Variants in RBBP6 observed in about 807,000 individuals in gnomAD.
RBBP6 encodes the protein RB binding protein 6, ubiquitin ligase, also known as E3 ubiquitin-protein ligase RBBP6.
RBBP6 carries 25 observed loss-of-function variants against 167.7 expected under a neutral mutation model. The observed-to-expected ratio is 0.15, with a 90% confidence interval of 0.11 to 0.21. RBBP6 has a LOEUF of 0.21. Among genes scored for constraint, RBBP6 ranks in the 10% least tolerant of loss-of-function variants. The pLI is 1.00. For synonymous variants in RBBP6, 789 were observed against 735.8 expected (o/e 1.07, Z -1.17); for missense variants, 1,868 against 2,134.2 (o/e 0.88, Z 2.46).
Position 24,540,336 on chromosome 16 carries a change from G to T in RBBP6, c.-291G>T. On this transcript the variant is annotated 5_prime_UTR_variant, in exon 1 of 18. In the 5' UTR this introduces an upstream ATG that the reference lacks. Transcript: ENST00000319715. ...TCTGCCGGCCCCTTAGCATGAGCGA[G>T]GGGGACCCAGCCGGGTGACATTGTG... 3.4e-6 allele frequency: 1 copy of T among 295,766 alleles called. No homozygotes were observed. Among genetic ancestry groups the T allele is most frequent in the Non-Finnish European group, 6.4e-6 (1 of 156,074 alleles). 18.3% of individuals were successfully genotyped at this position (295,766 alleles called of 1,614,324 possible). A position where few individuals can be genotyped will look rare whatever the true frequency, so the allele number is the denominator to read the frequency against.
At chr16:24,553,662 A>G in intron 4 of RBBP6, 105 bp downstream of exon 4, 1 of 833,308 alleles carries the variant, frequency 1.2e-6, no homozygotes, top group South Asian at 1.9e-5. Context: ...CATATTTTGC[A>G]AAAGCATTGT....
intron 1 of RBBP6, among the ~76,000 whole-genome samples, chr16:24,543,747 C>T (rs28482789): frequency 1.3e-5 from 2 of 151,800 alleles, no homozygotes; most frequent in African/African-American, 2.4e-5. Flanking sequence ...TTCTGCACAC[C>T]GACCCCTAAA....
At chr16:24,557,909 A>G (rs1413071941) in intron 7 of RBBP6, among the ~76,000 whole-genome samples, 1 of 152,204 alleles carries the variant, frequency 6.6e-6, no homozygotes, top group Non-Finnish European at 1.5e-5. Flanking sequence ...GTTCACAGAT[A>G]AGAATGTTTT....
intron 1 of RBBP6, among the ~76,000 whole-genome samples, chr16:24,543,292 CT>C (rs200408370): frequency 0.14 from 17,655 of 125,968 alleles, 795 homozygotes; most frequent in East Asian, 0.23. Flanking sequence ...TCCCTTAAAT[CT>C]TTTTTTTTTT....
chr16:24,562,252 G>T (rs1468522717), intron 10 of RBBP6, 91 bp downstream of exon 10: 5 of 1,153,908 alleles, frequency 4.3e-6, no homozygotes, highest in Non-Finnish European at 6.2e-6. Context: ...AGCTTTCTTA[G>T]TGGACCACTG....
At position 24,570,058 on chromosome 16, in the gene RBBP6, T is replaced by C. The variant is rs769185441; in HGVS notation, c.3368T>C (p.Leu1123Pro). The change falls in exon 17 of 18, where the codon CTA becomes CCA. Residue 1123 changes from leucine (L) to proline (P), a missense_variant. Physicochemically the swap from Leu to Pro is moderately conservative, Grantham distance 98. Around this residue, in one of 7 missense-constraint regions of RBBP6, gnomAD observed 673 missense variants for 691.5 expected, o/e 0.97. Coordinates refer to ENST00000319715, the MANE Select transcript of RBBP6 (RefSeq NM_006910.5). ...TCCAAAGATGTCAAATCAGAAAAGC[T>C]AACAACTAAGGAAGAAAAGGCCAAG... Reference protein sequence around the residue: ...DYSKDVKSEKLTTKEEKAKKP... With the variant: ...DYSKDVKSEKPTTKEEKAKKP... 6 of 1,606,430 alleles carry C rather than the reference T, an allele frequency of 3.7e-6. No homozygotes were observed. Among genetic ancestry groups the C allele is most frequent in the Non-Finnish European group, 5.1e-6 (6 of 1,178,106 alleles).
intron 1 of RBBP6, among the ~76,000 whole-genome samples, chr16:24,545,764 G>A (rs1222049960): frequency 6.6e-6 from 1 of 152,196 alleles, no homozygotes; most frequent in Non-Finnish European, 1.5e-5. Context: ...ATCTTCCTCA[G>A]TAATAATTTC....
At chr16:24,550,051 A>G (rs929319198) in intron 3 of RBBP6, among the ~76,000 whole-genome samples, 1 of 152,008 alleles carries the variant, frequency 6.6e-6, no homozygotes, top group Non-Finnish European at 1.5e-5. Context: ...TTCTCTAAAC[A>G]TTTTAATGCC....
intron 3 of RBBP6, 52 bp from the exon 4 acceptor site, chr16:24,553,447 CTAAATGATCACTTT>C: frequency 7.3e-7 from 1 of 1,374,214 alleles, no homozygotes; most frequent in Admixed American, 1.8e-5. Flanking sequence ...TCAATAGGGG[CTAAATGATCACTTT>C]AAGATGTTTT....
At position 24,559,570 on chromosome 16, in the gene RBBP6, CAGA is replaced by C. The variant is rs1898998857; in HGVS notation, c.747_749del (p.Glu249del). ...TTACCAGAGGAGCCATCTTCTTCCT[CAGA>C]AGAAGATGATCCTATCCCAGATGAA... On this transcript the variant is annotated inframe_deletion, in exon 8 of 18. Coordinates refer to ENST00000319715, the MANE Select transcript of RBBP6 (RefSeq NM_006910.5). 2 of 1,606,840 alleles carry C rather than the reference CAGA, an allele frequency of 1.2e-6. No individual in the cohort carries two copies. The highest frequency in any genetic ancestry group is 1.7e-5 in the Admixed American group (1 of 59,332).
At chr16:24,565,220 G>A (rs1185173359) in intron 14 of RBBP6, among the ~76,000 whole-genome samples, 1 of 152,132 alleles carries the variant, frequency 6.6e-6, no homozygotes, top group Admixed American at 6.5e-5. Context: ...AAGTTAACAA[G>A]CTCAGCTCCC....
chr16:24,567,184 G>A lies in RBBP6; in HGVS notation c.1631G>A (p.Arg544Lys), dbSNP rs1418002199. 1.2e-6 allele frequency: 2 copies of A among 1,613,684 alleles called. No individual in the cohort carries two copies. The highest frequency in any genetic ancestry group is 4.5e-5 in the East Asian group (2 of 44,890). The part of the protein sequence containing the change: ...RGRHHSERSQ[R>K]TQGPSLPATP... ...CGACACCACAGCGAAAGATCACAGA[G>A]GACTCAAGGCCCGTCACTACCAGCA... The change falls in exon 15 of 18, where the codon AGG (arginine) becomes AAG (lysine). Residue 544 changes from arginine (R) to lysine (K), a missense_variant. Arg to Lys is a conservative substitution (Grantham distance 26, BLOSUM62 2). This residue lies in a region of RBBP6 where 145 missense variants were observed against 224.3 expected (regional missense o/e 0.65). Coordinates refer to ENST00000319715, the MANE Select transcript of RBBP6 (RefSeq NM_006910.5).
Position 24,540,361 on chromosome 16 carries a change from G to T in RBBP6, c.-266G>T. The stretch of plus-strand genomic sequence containing the variant: ...GGGGGACCCAGCCGGGTGACATTGT[G>T]CCCGTTGGCGGATTCTCGATTTCCC... On this transcript the variant is annotated 5_prime_UTR_variant, in exon 1 of 18. Transcript: ENST00000319715. 2.8e-6 allele frequency: 1 copy of T among 353,016 alleles called. No homozygotes were observed. Among genetic ancestry groups the T allele is most frequent in the Non-Finnish European group, 5.2e-6 (1 of 191,510 alleles). 21.9% of individuals were successfully genotyped at this position (353,016 alleles called of 1,614,324 possible).
In RBBP6 at chr16:24,571,134, A is replaced by G. The variant is rs750030156; in HGVS notation, c.4068A>G (p.Pro1356=). 52 of 1,613,640 alleles carry G rather than the reference A, an allele frequency of 3.2e-5. No homozygotes were observed. The highest frequency in any genetic ancestry group is 4.2e-5 in the Non-Finnish European group (50 of 1,179,704). The change falls in exon 18 of 18, where the codon CCA becomes CCG. Residue 1356 remains proline, a synonymous_variant. Transcript: ENST00000319715. ...TTATAAAAAATGTTAGTACAAAGCCATCAAATATAGTCAAGTATCCTGAGA... is the reference window on the plus strand; with the variant it reads ...TTATAAAAAATGTTAGTACAAAGCCGTCAAATATAGTCAAGTATCCTGAGA... ...ASVIKNVSTK[P]SNIVKYPEKE...
Position 24,572,614 on chromosome 16 carries a change from C to A in RBBP6, c.*169C>A. ...TTACATCAGAGCTTTATAACACGAA[C>A]TTTTGTACAGAATTGTGAGTTGTGA... On this transcript the variant is annotated 3_prime_UTR_variant, in exon 18 of 18. Coordinates refer to ENST00000319715, the MANE Select transcript of RBBP6 (RefSeq NM_006910.5). The A allele has an allele frequency of 2.0e-6, 2 of 983,970 alleles. No individual in the cohort carries two copies. The highest frequency in any genetic ancestry group is 2.8e-6 in the Non-Finnish European group (2 of 707,582). 61.0% of individuals were successfully genotyped at this position (983,970 alleles called of 1,614,324 possible).
intron 13 of RBBP6, 148 bp from the exon 14 acceptor site, chr16:24,564,649 C>A: frequency 1.9e-6 from 2 of 1,027,320 alleles, no homozygotes; most frequent in Non-Finnish European, 2.7e-6. Context: ...ATTTACTCAG[C>A]TCTGTATCCG....
intron 10 of RBBP6, among the ~76,000 whole-genome samples, chr16:24,562,519 TTTAGA>T (rs1899089478): frequency 6.6e-6 from 1 of 151,884 alleles, no homozygotes; most frequent in African/African-American, 2.4e-5. Context: ...CTAAGAACAG[TTTAGA>T]TAGGTAGAGA....
At position 24,569,843 on chromosome 16, in the gene RBBP6, ATCT is replaced by A; in HGVS notation, c.3154_3156del (p.Ser1052del). ...AAAAAGTAGATGGAGAACGTGAGAGATCTCCTCGATCTGAACCTCCAATTAAAA... is the reference window on the plus strand; with the variant it reads ...AAAAAGTAGATGGAGAACGTGAGAGACCTCGATCTGAACCTCCAATTAAAA... On this transcript the variant is annotated inframe_deletion, in exon 17 of 18. Transcript: ENST00000319715. 1.9e-6 allele frequency: 3 copies of A among 1,610,886 alleles called. No individual in the cohort carries two copies. The highest frequency in any genetic ancestry group is 2.5e-6 in the Non-Finnish European group (3 of 1,179,304).
At chr16:24,556,013 T>A in intron 6 of RBBP6, 96 bp downstream of exon 6, 1 of 1,138,074 alleles carries the variant, frequency 8.8e-7, no homozygotes, top group African/African-American at 1.6e-5. Context: ...CTGCCTTCTG[T>A]AGACAATGGC....
Sources: gnomAD v4.1 joint callset for allele counts (sites outside exome capture counted in the v4.1 genomes callset) on GRCh38, gnomAD v4.1.1 for gene constraint, gnomAD v4.1.1 regional missense constraint, MANE v1.5 for transcripts, NCBI Gene and HGNC (gene_info 2026-07-23, HGNC 2026-07-21) for gene names.